The following RNF212 variants were observed in gnomAD, a reference collection of about 807,000 sequenced individuals.
The protein encoded by RNF212 is probable E3 SUMO-protein ligase RNF212.
In RNF212, 33 loss-of-function variants were observed where a neutral mutation model predicts 34.7. That is an observed-to-expected ratio of 0.95 (90% CI 0.72 to 1.27). RNF212 has a LOEUF of 1.27. Among genes scored for constraint, RNF212 ranks in the 50% most tolerant of loss-of-function variants. The pLI, the probability that RNF212 is intolerant of heterozygous loss-of-function variation, is 0.00. For synonymous variants in RNF212, 140 were observed against 136.1 expected (o/e 1.03, Z -0.20); for missense variants, 377 against 362.2 (o/e 1.04, Z -0.33).
rs28489841 is a variant in RNF212, at chr4:1,099,788, C to T, written c.172-2949G>A. 347 of 456,262 alleles carry T rather than the reference C, an allele frequency of 7.6e-4. 2 individuals are homozygous for T. Among genetic ancestry groups the T allele is most frequent in the African/African-American group, 6.2e-3 (310 of 50,190 alleles). 28.3% of individuals were successfully genotyped at this position (456,262 alleles called of 1,614,324 possible). ...GCGTAAGGAATGGAGGAAATCAACC[C>T]TGGTGCAGAGCAATCGAGTCCACAA... On this transcript the variant is annotated intron_variant, in intron 2 of 9. Coordinates refer to ENST00000433731, the MANE Select transcript of RNF212 (RefSeq NM_001131034.4).
At chr4:1,102,492 G>A (rs1724141851) in intron 2 of RNF212, among the ~76,000 whole-genome samples, 1 of 152,000 alleles carries the variant, frequency 6.6e-6, no homozygotes, top group Non-Finnish European at 1.5e-5. Context: ...TTGTTCAAGA[G>A]TCCACAGTAC....
chr4:1,095,098 TC>T (rs1722841153), intron 3 of RNF212, among the ~76,000 whole-genome samples: 9 of 80,570 alleles, frequency 1.1e-4, no homozygotes, highest in East Asian at 8.2e-4. Flanking sequence ...CCAAGCACAC[TC>T]CCCACAGCTC....
At chr4:1,080,638 C>G (rs1720181450) in intron 7 of RNF212, among the ~76,000 whole-genome samples, 1 of 152,204 alleles carries the variant, frequency 6.6e-6, no homozygotes, top group African/African-American at 2.4e-5. Flanking sequence ...GGGAAACCTG[C>G]CTGGATGACG....
At chr4:1,103,848 G>A (rs1446060488) in intron 2 of RNF212, among the ~76,000 whole-genome samples, 4 of 152,166 alleles carry the variant, frequency 2.6e-5, no homozygotes, top group Admixed American at 6.5e-5. Flanking sequence ...TAATGCCACC[G>A]TTTCTCCTCA....
intron 8 of RNF212, among the ~76,000 whole-genome samples, chr4:1,074,135 G>C (rs1297507573): frequency 6.6e-6 from 1 of 152,088 alleles, no homozygotes; most frequent in Non-Finnish European, 1.5e-5. Context: ...GCAACCACGA[G>C]GCCGCTTCTG....
chr4:1,096,855 AT>A lies in RNF212; in HGVS notation c.172-17del. On this transcript the variant is annotated splice_polypyrimidine_tract_variant and intron_variant, in intron 2 of 9. Transcript: ENST00000433731. ...CTGCGTCGGTCTGAAAGAGAAAGAA[AT>A]GACTCTACATTTATTGTGTCTAATA... 1 of 1,564,818 alleles carries A rather than the reference AT, an allele frequency of 6.4e-7. No individual in the cohort carries two copies.
At position 1,113,550 on chromosome 4, in the gene RNF212, G is replaced by A. The variant is rs2153071089; in HGVS notation, c.-86C>T. ...CCAGCCTCCCCGCGCAGGGCCCGAA[G>A]GCGGGCAGCTCTGCGCCTGCGCAAA... On this transcript the variant is annotated 5_prime_UTR_variant, in exon 1 of 10. Coordinates refer to ENST00000433731, the MANE Select transcript of RNF212 (RefSeq NM_001131034.4). 4 of 1,131,840 alleles carry A rather than the reference G, an allele frequency of 3.5e-6. No individual in the cohort carries two copies. Among genetic ancestry groups the A allele is most frequent in the South Asian group, 2.9e-5 (2 of 69,478 alleles). The allele number at this position is 1,131,840 out of a possible 1,614,324, so 70.1% of individuals were successfully genotyped here. A position where few individuals can be genotyped will look rare whatever the true frequency, so the allele number is the denominator to read the frequency against.
Position 1,081,403 on chromosome 4 carries a change from C to A in RNF212, c.464+16G>T. ...AGACCTGCAGGTCCTGTGATTTCTG[C>A]AAGCAACCCACACACCTGTCGGGGG... On this transcript the variant is annotated intron_variant, in intron 7 of 9. Coordinates refer to ENST00000433731, the MANE Select transcript of RNF212 (RefSeq NM_001131034.4). 1.2e-6 allele frequency: 2 copies of A among 1,612,482 alleles called. No homozygotes were observed. Among genetic ancestry groups the A allele is most frequent in the Non-Finnish European group, 1.7e-6 (2 of 1,178,772 alleles).
chr4:1,064,998 T>C (rs1307247135), intron 3 of RNF212, among the ~76,000 whole-genome samples: 2 of 152,266 alleles, frequency 1.3e-5, no homozygotes, highest in African/African-American at 4.8e-5. Context: ...GGCTGAATCA[T>C]AGCCCACTGT....
chr4:1,073,849 G>T (rs1024596050), intron 8 of RNF212, 187 bp from the exon 9 acceptor site: 4 of 619,810 alleles, frequency 6.5e-6, no homozygotes, highest in African/African-American at 3.7e-5. Flanking sequence ...GGTGGTAGAG[G>T]TGGTGTGGGT....
intron 2 of RNF212, among the ~76,000 whole-genome samples, chr4:1,104,886 G>T (rs1400506576): frequency 1.3e-5 from 2 of 152,120 alleles, no homozygotes; most frequent in African/African-American, 4.8e-5. Flanking sequence ...CCACACCAAG[G>T]GAGGAGGAAG....
intron 8 of RNF212, chr4:1,073,875 A>C (rs1718839882): frequency 1.8e-6 from 1 of 569,408 alleles, no homozygotes; most frequent in East Asian, 2.8e-5. Context: ...TTACCTGATT[A>C]CCTGTTTGAT....
At chr4:1,110,231 T>C (rs1725444613) in intron 1 of RNF212, among the ~76,000 whole-genome samples, 1 of 151,874 alleles carries the variant, frequency 6.6e-6, no homozygotes, top group African/African-American at 2.4e-5. Context: ...AACACCTCAA[T>C]AAAAGGCTAT....
At chr4:1,067,662 C>T (rs1162511437), downstream of RNF212, among the ~76,000 whole-genome samples, 5 of 152,068 alleles carry the variant, frequency 3.3e-5, no homozygotes, top group East Asian at 1.9e-4. Flanking sequence ...GCCAGGGGAT[C>T]GAGGCCAGCC....
chr4:1,091,022 G>C (rs1722109570), intron 3 of RNF212, among the ~76,000 whole-genome samples, 184 bp from the exon 4 acceptor site: 1 of 152,242 alleles, frequency 6.6e-6, no homozygotes, highest in African/African-American at 2.4e-5. Flanking sequence ...GGCAAACACA[G>C]GGGAGGCTTA....
chr4:1,110,895 T>C (rs1157560863), intron 1 of RNF212, among the ~76,000 whole-genome samples: 2 of 152,196 alleles, frequency 1.3e-5, no homozygotes, highest in Non-Finnish European at 2.9e-5. Flanking sequence ...TACTGGAATC[T>C]GTGTTGACCT....
At chr4:1,076,063 A>G (rs6812586) in intron 8 of RNF212, among the ~76,000 whole-genome samples, 123,439 of 152,276 alleles carry the variant, frequency 0.81, 50,748 homozygotes, top group African/African-American at 0.94. Context: ...TCAATTTTAC[A>G]TAATAGAAAA....
At chr4:1,111,063 T>A (rs1424438027) in intron 1 of RNF212, among the ~76,000 whole-genome samples, 1 of 152,296 alleles carries the variant, frequency 6.6e-6, no homozygotes, top group South Asian at 2.1e-4. Flanking sequence ...GTCTCCATCA[T>A]TCCTAACAAT....
At position 1,072,911 on chromosome 4, in the gene RNF212, AAC is replaced by A. The variant is rs751684242; in HGVS notation, c.855_856del (p.Phe286SerfsTer6). The A allele has an allele frequency of 2.5e-6, 4 of 1,613,550 alleles. No homozygotes were observed. Among genetic ancestry groups the A allele is most frequent in the Non-Finnish European group, 3.4e-6 (4 of 1,179,604 alleles). On this transcript the variant is annotated frameshift_variant, in exon 10 of 10. Transcript: ENST00000433731. LOFTEE classifies it high-confidence loss of function. Reference sequence around the variant, plus strand: ...TTTCCTTTCAAATTGGCAAAGAGGAAACACAACAGACACAGCGGGTGTTCTGA... The same window carrying A: ...TTTCCTTTCAAATTGGCAAAGAGGAAACAACAGACACAGCGGGTGTTCTGA...
Sources: allele counts gnomAD v4.1 joint callset (sites outside exome capture counted in the v4.1 genomes callset), GRCh38; gene constraint gnomAD v4.1.1; transcripts MANE v1.5; gene names NCBI Gene and HGNC (gene_info 2026-07-23, HGNC 2026-07-21).